POC1B: variants seen among roughly 807,000 people sequenced by gnomAD.
POC1B encodes the protein POC1 centriolar protein B.
In POC1B, 44 loss-of-function variants were observed where a neutral mutation model predicts 60.6. The observed-to-expected ratio is 0.73, with a 90% CI of 0.57 to 0.93. POC1B has a LOEUF of 0.93. POC1B is among the 40% of genes least tolerant of loss of function. The pLI, the probability that POC1B is intolerant of heterozygous loss-of-function variation, is 0.00. For missense variants in POC1B, 555 were observed against 572.3 expected, an observed-to-expected ratio of 0.97 and a Z score of 0.31; for synonymous variants, 180 against 198.9, an observed-to-expected ratio of 0.90 and a Z score of 0.80.
At chr12:89,513,898 T>G (rs1376931545) in intron 2 of POC1B, among the ~76,000 whole-genome samples, 2 of 152,228 alleles carry the variant, frequency 1.3e-5, no homozygotes, top group East Asian at 3.8e-4. Flanking sequence ...TAGGCTCTGC[T>G]GCCTACTAGC....
Position 89,502,485 on chromosome 12 carries a change from A to G in POC1B, c.101-5143T>C, listed in dbSNP as rs903509543. 6.4e-5 allele frequency: 72 copies of G among 1,125,204 alleles called. 1 individual carries two copies. In the African/African-American group the frequency reaches 8.2e-4, roughly 13 times the overall value. The allele number at this position is 1,125,204 out of a possible 1,614,324, so 69.7% of individuals were successfully genotyped here. A position where few individuals can be genotyped will look rare whatever the true frequency, so the allele number is the denominator to read the frequency against. On this transcript the variant is annotated intron_variant, in intron 2 of 11. Transcript: ENST00000313546. ...GAGAAAATATTGGAAAAGTTGACAA[A>G]AAAATCTAATAAGAAAAGGATCTGT...
chr12:89,411,265 A>C, the POC1B span, among the ~76,000 whole-genome samples: 1 of 152,220 alleles, frequency 6.6e-6, no homozygotes, highest in Non-Finnish European at 1.5e-5. Flanking sequence ...AATTAGAAAA[A>C]ACTATTTTAA....
chr12:89,470,551 TACCCC>T, intron 6 of POC1B, 57 bp from the exon 7 acceptor site: 1 of 1,416,272 alleles, frequency 7.1e-7, no homozygotes, highest in South Asian at 1.5e-5. Flanking sequence ...CTTTTGAAGA[TACCCC>T]AGTGCCTTAT....
At chr12:89,424,952 AGT>A (rs752659062) in intron 11 of POC1B, among the ~76,000 whole-genome samples, 6 of 151,490 alleles carry the variant, frequency 4.0e-5, no homozygotes, top group Non-Finnish European at 7.4e-5. Flanking sequence ...AAGCTGTGTG[AGT>A]GTGTGTGTGT....
chr12:89,510,127 G>A (rs1343092959), intron 2 of POC1B, among the ~76,000 whole-genome samples: 3 of 152,204 alleles, frequency 2.0e-5, no homozygotes, highest in Non-Finnish European at 2.9e-5. Context: ...GGGTTTGCAA[G>A]TGTGAGTCAC....
At chr12:89,454,326 T>A (rs1882169108) in intron 10 of POC1B, among the ~76,000 whole-genome samples, 1 of 152,174 alleles carries the variant, frequency 6.6e-6, no homozygotes, top group South Asian at 2.1e-4. Context: ...CAGAATCCGA[T>A]CGCTTATCAC....
chr12:89,523,708 C>T (rs759562519), intron 2 of POC1B: 5 of 1,545,666 alleles, frequency 3.2e-6, no homozygotes, highest in Non-Finnish European at 3.5e-6. Flanking sequence ...AAATGTTAAA[C>T]GCCAGTCAAA....
intron 4 of POC1B, among the ~76,000 whole-genome samples, chr12:89,480,600 T>TG (rs1339090840): frequency 1.5e-5 from 2 of 136,524 alleles, no homozygotes; most frequent in East Asian, 2.1e-4. Flanking sequence ...TTTGTATTTT[T>TG]TTTTTTTTTT....
intron 2 of POC1B, chr12:89,524,902 C>A: frequency 1.4e-6 from 1 of 737,976 alleles, no homozygotes; most frequent in Non-Finnish European, 2.2e-6. Context: ...GCCCAGACCG[C>A]TGGATAGGAG....
At chr12:89,409,390 C>T in the POC1B span, among the ~76,000 whole-genome samples, 2 of 152,132 alleles carry the variant, frequency 1.3e-5, no homozygotes, top group Admixed American at 1.3e-4. Flanking sequence ...ATCCTTTCCC[C>T]ATTACTTGTT....
chr12:89,505,882 A>T (rs1869869971), intron 2 of POC1B, among the ~76,000 whole-genome samples: 1 of 152,178 alleles, frequency 6.6e-6, no homozygotes, highest in African/African-American at 2.4e-5. Context: ...CCTTGGAAGG[A>T]GGAAAAAGAG....
chr12:89,508,368 T>A (rs1434542890), intron 2 of POC1B, among the ~76,000 whole-genome samples: 5 of 152,262 alleles, frequency 3.3e-5, no homozygotes, highest in African/African-American at 1.2e-4. Context: ...TTTGTCTTTA[T>A]TGACCTTGAT....
At chr12:89,480,524 G>A (rs894888910) in intron 4 of POC1B, among the ~76,000 whole-genome samples, 7 of 149,718 alleles carry the variant, frequency 4.7e-5, no homozygotes, top group African/African-American at 1.2e-4. Context: ...AGGTTCACAC[G>A]ATTCTTGTGT....
chr12:89,459,405 T>G (rs1025092571), intron 10 of POC1B, among the ~76,000 whole-genome samples: 40 of 69,508 alleles, frequency 5.8e-4, no homozygotes, highest in Non-Finnish European at 2.2e-4. Flanking sequence ...AAACTTAAAG[T>G]ATAAAAAAAA....
chr12:89,525,981 C>A lies in POC1B; in HGVS notation c.-86G>T. ...GGATGGGGAAGGAGAGGGGACCGTGCGGCTCCCGGAACCGTCTGCCCAGAG... is the reference window on the plus strand; with the variant it reads ...GGATGGGGAAGGAGAGGGGACCGTGAGGCTCCCGGAACCGTCTGCCCAGAG... On this transcript the variant is annotated 5_prime_UTR_variant, in exon 1 of 12. Coordinates refer to ENST00000313546, the MANE Select transcript of POC1B (RefSeq NM_172240.3). The A allele has an allele frequency of 6.5e-7, 1 of 1,543,206 alleles. No homozygotes were observed. Among genetic ancestry groups the A allele is most frequent in the Non-Finnish European group, 8.7e-7 (1 of 1,144,740 alleles).
chr12:89,524,774 G>C (rs1401839943), intron 2 of POC1B: 8 of 628,354 alleles, frequency 1.3e-5, no homozygotes, highest in Non-Finnish European at 2.2e-5. Flanking sequence ...CCTCCTGCTC[G>C]GCTCACAACT....
intron 10 of POC1B, among the ~76,000 whole-genome samples, chr12:89,438,723 C>G (rs1216128249): frequency 6.6e-6 from 1 of 152,168 alleles, no homozygotes; most frequent in African/African-American, 2.4e-5. Flanking sequence ...AGTCCCAAAC[C>G]CTCTTCTAAT....
At chr12:89,502,279 A>C in intron 2 of POC1B, 4 of 1,573,960 alleles carry the variant, frequency 2.5e-6, no homozygotes, top group Non-Finnish European at 3.5e-6. Context: ...AAAGAACAGA[A>C]TCCATCACAA....
intron 2 of POC1B, chr12:89,521,401 C>T: frequency 6.6e-6 from 1 of 152,406 alleles, no homozygotes; most frequent in Non-Finnish European, 1.5e-5. Context: ...CCGCACCCGG[C>T]CTCCCCTCAC....
Sources: allele counts gnomAD v4.1 joint callset (sites outside exome capture counted in the v4.1 genomes callset), GRCh38; gene constraint gnomAD v4.1.1; transcripts MANE v1.5; gene names NCBI Gene and HGNC (gene_info 2026-07-23, HGNC 2026-07-21).